Variants in UBE2W observed in about 807,000 individuals in gnomAD.
The protein encoded by UBE2W is ubiquitin conjugating enzyme E2 W.
In UBE2W, 18 loss-of-function variants were observed where a neutral mutation model predicts 27.2. The ratio of observed to expected loss-of-function variants is 0.66; its 90% CI spans 0.46 to 0.98. The LOEUF (loss-of-function observed/expected upper bound fraction) is 0.98. Among genes scored for constraint, UBE2W ranks in the 50% least tolerant of loss-of-function variants. The probability of loss-of-function intolerance (pLI) is 0.00; values close to 1 mark genes in which losing one functional copy is unlikely to be tolerated. For synonymous variants in UBE2W, 53 were observed against 57.2 expected (o/e 0.93, Z 0.33); for missense variants, 90 against 180.2 (o/e 0.50, Z 2.87).
chr8:73,878,815 G>T lies in UBE2W; in HGVS notation c.8C>A (p.Ser3Ter). The T allele has an allele frequency of 6.4e-7, 1 of 1,551,032 alleles. No homozygotes were observed. The highest frequency in any genetic ancestry group is 8.7e-7 in the Non-Finnish European group (1 of 1,146,636). MA[S>*]MQKRLQKELL... ...GCAGCAAACTCCTCTCACCTGCATTGACGCCATGATGGAACCATCCCCCCA... is the reference window on the plus strand; with the variant it reads ...GCAGCAAACTCCTCTCACCTGCATTTACGCCATGATGGAACCATCCCCCCA... The change falls in exon 1 of 6, where the codon TCA (serine) becomes TAA (stop). Residue 3 changes from serine (S) to a stop codon, truncating the protein, a stop_gained. Coordinates refer to ENST00000602593, the MANE Select transcript of UBE2W (RefSeq NM_018299.6). LOFTEE classifies it high-confidence loss of function.
At chr8:73,878,692 C>T (rs1812348998) in intron 1 of UBE2W, 116 bp downstream of exon 1, 1 of 947,352 alleles carries the variant, frequency 1.1e-6, no homozygotes, top group South Asian at 1.4e-5. Flanking sequence ...ACAGGCCACC[C>T]GGACCGATCC....
chr8:73,787,120 T>C lies in UBE2W; in HGVS notation c.*6982A>G, dbSNP rs1438950290. ...GGCGTAGGGATTCCCACTTATGTAT[T>C]TTGCATTATGCAGGCAAACATTAAA... On this transcript the variant is annotated 3_prime_UTR_variant, in exon 6 of 6. Transcript: ENST00000602593. The C allele has an allele frequency of 1.0e-6, 1 of 985,328 alleles. No individual in the cohort carries two copies. The highest frequency in any genetic ancestry group is 1.7e-5 in the African/African-American group (1 of 57,236). The allele number at this position is 985,328 out of a possible 1,614,324, so 61.0% of individuals were successfully genotyped here.
rs1258391355 is a variant in UBE2W at position 73,786,878 on chromosome 8, G to GATAA, written c.*7220_*7223dup. ...TGGGAATGTCATTAAATTATAACAG[G>GATAA]ATAAAAGAAATATGTTTTCATTGAG... On this transcript the variant is annotated 3_prime_UTR_variant, in exon 6 of 6. Coordinates refer to ENST00000602593, the MANE Select transcript of UBE2W (RefSeq NM_018299.6). The GATAA allele has an allele frequency of 1.7e-4, 169 of 985,202 alleles. No homozygotes were observed. Among genetic ancestry groups the GATAA allele is most frequent in the Non-Finnish European group, 2.0e-4 (167 of 829,880 alleles). The allele number at this position is 985,202 out of a possible 1,614,324, so 61.0% of individuals were successfully genotyped here. A position where few individuals can be genotyped will look rare whatever the true frequency, so the allele number is the denominator to read the frequency against.
chr8:73,869,640 G>A (rs1023591943), intron 1 of UBE2W, among the ~76,000 whole-genome samples: 10 of 152,126 alleles, frequency 6.6e-5, no homozygotes, highest in Non-Finnish European at 1.2e-4. Flanking sequence ...GCAATGAGCC[G>A]AGATGGTGCC....
intron 5 of UBE2W, among the ~76,000 whole-genome samples, chr8:73,799,545 T>A (rs193094873): frequency 7.9e-5 from 12 of 152,312 alleles, no homozygotes; most frequent in African/African-American, 2.6e-4. Context: ...TTTCATTAAC[T>A]GTGCCTCCAT....
chr8:73,786,477 A>G lies in UBE2W; in HGVS notation c.*7625T>C. The G allele has an allele frequency of 6.1e-6, 6 of 985,340 alleles. No individual in the cohort carries two copies. Among genetic ancestry groups the G allele is most frequent in the Non-Finnish European group, 7.2e-6 (6 of 829,836 alleles). 61.0% of individuals were successfully genotyped at this position (985,340 alleles called of 1,614,324 possible). On this transcript the variant is annotated 3_prime_UTR_variant, in exon 6 of 6. Transcript: ENST00000602593. ...TGTGCTACGTGCTGGGGACACAAACACAATTGCAACACTGTCCCTACTGTT... is the reference window on the plus strand; with the variant it reads ...TGTGCTACGTGCTGGGGACACAAACGCAATTGCAACACTGTCCCTACTGTT...
intron 3 of UBE2W, among the ~76,000 whole-genome samples, chr8:73,820,760 C>T (rs1586476726): frequency 1.3e-5 from 2 of 149,150 alleles, no homozygotes; most frequent in South Asian, 4.2e-4. Flanking sequence ...AAAAAACAAA[C>T]AAACAAACAA....
chr8:73,820,969 GTAAAT>G (rs1809588949), intron 3 of UBE2W, among the ~76,000 whole-genome samples: 1 of 151,836 alleles, frequency 6.6e-6, no homozygotes, highest in Non-Finnish European at 1.5e-5. Context: ...CCACCAAAAA[GTAAAT>G]TAAAAAAGGA....
chr8:73,845,481 G>C lies in UBE2W; in HGVS notation c.16-15009C>G, dbSNP rs939518536. Reference sequence around the variant, plus strand: ...ATGGATTAAGGGCAGTGCAAGATGTGCTTTGTTAAACAGATGCTTGAAGGC... The same window carrying C: ...ATGGATTAAGGGCAGTGCAAGATGTCCTTTGTTAAACAGATGCTTGAAGGC... On this transcript the variant is annotated intron_variant, in intron 1 of 5. Transcript: ENST00000602593. Among the ~76,000 whole-genome samples, 17 of 152,134 alleles carry C rather than the reference G, an allele frequency of 1.1e-4. 1 individual carries two copies. The highest frequency in any genetic ancestry group is 2.5e-4 in the Non-Finnish European group (17 of 68,026).
At chr8:73,878,757 C>T (rs934970302) in intron 1 of UBE2W, 51 bp downstream of exon 1, 1 of 1,481,344 alleles carries the variant, frequency 6.8e-7, no homozygotes, top group Non-Finnish European at 9.2e-7. Context: ...CGAACGCTGG[C>T]ACTCTCTCGG....
intron 1 of UBE2W, chr8:73,870,393 A>G (rs983933102): frequency 5.9e-6 from 3 of 510,238 alleles, no homozygotes; most frequent in Middle Eastern, 4.0e-4. Flanking sequence ...TAGAAATCAG[A>G]AAAAAAAAAA....
At chr8:73,818,165 T>C (rs1268234824) in intron 3 of UBE2W, among the ~76,000 whole-genome samples, 1 of 152,228 alleles carries the variant, frequency 6.6e-6, no homozygotes, top group Non-Finnish European at 1.5e-5. Flanking sequence ...ACACTTCAGT[T>C]GTCTGTACAG....
intron 3 of UBE2W, among the ~76,000 whole-genome samples, chr8:73,815,796 C>G (rs1029025470): frequency 2.0e-5 from 3 of 152,118 alleles, no homozygotes; most frequent in East Asian, 1.9e-4. Context: ...TTATAAAAGC[C>G]AATCTACAAT....
intron 3 of UBE2W, among the ~76,000 whole-genome samples, chr8:73,815,430 G>A (rs192638107): frequency 1.3e-5 from 2 of 152,158 alleles, no homozygotes; most frequent in East Asian, 3.9e-4. Context: ...CAGAGAAATA[G>A]CTCAATATTA....
chr8:73,810,027 T>C (rs115002213), intron 4 of UBE2W, among the ~76,000 whole-genome samples: 19 of 152,232 alleles, frequency 1.2e-4, no homozygotes, highest in African/African-American at 4.6e-4. Flanking sequence ...TCCTTCAACC[T>C]AATCATTAGG....
intron 3 of UBE2W, among the ~76,000 whole-genome samples, chr8:73,813,915 T>C (rs1809278859): frequency 6.6e-6 from 1 of 152,070 alleles, no homozygotes; most frequent in Non-Finnish European, 1.5e-5. Context: ...GTATTTTTAG[T>C]AGAGATGGGG....
chr8:73,831,194 T>G (rs1239402758), intron 1 of UBE2W: 1 of 443,566 alleles, frequency 2.3e-6, no homozygotes, highest in East Asian at 6.8e-5. Flanking sequence ...AATGGGTGGC[T>G]TTCCTGGAGA....
chr8:73,836,029 C>T (rs553900225), intron 1 of UBE2W, among the ~76,000 whole-genome samples: 1 of 152,266 alleles, frequency 6.6e-6, no homozygotes, highest in East Asian at 1.9e-4. Flanking sequence ...TGATTCCTGA[C>T]CCTCGGAACT....
intron 1 of UBE2W, among the ~76,000 whole-genome samples, chr8:73,848,094 G>A (rs866736322): frequency 4.6e-5 from 7 of 152,148 alleles, no homozygotes; most frequent in Non-Finnish European, 1.0e-4. Context: ...CCAGATACTC[G>A]GGAGGCTGAG....
Sources: gnomAD v4.1 joint callset for allele counts (sites outside exome capture counted in the v4.1 genomes callset) on GRCh38, gnomAD v4.1.1 for gene constraint, MANE v1.5 for transcripts, NCBI Gene and HGNC (gene_info 2026-07-23, HGNC 2026-07-21) for gene names.